Variants in MALRD1 observed in about 807,000 individuals in gnomAD.
The protein encoded by MALRD1 is MAM and LDL-receptor class A domain-containing protein 1.
A neutral mutation model predicts 242.1 loss-of-function variants in MALRD1; 247 were observed. The ratio of observed to expected loss-of-function variants is 1.02; its 90% confidence interval spans 0.92 to 1.13. The LOEUF (loss-of-function observed/expected upper bound fraction) is 1.13, where lower values mean the gene tolerates loss of function less well. Among genes scored for constraint, MALRD1 ranks in the 50% most tolerant of loss-of-function variants. MALRD1 has a pLI of 0.00. For missense variants in MALRD1, 2,989 were observed against 2,533.1 expected, an observed-to-expected ratio of 1.18 and a Z score of -3.86; for synonymous variants, 995 against 866.6, an observed-to-expected ratio of 1.15 and a Z score of -2.60.
chr10:19,572,128 G>A (rs1005598249), intron 33 of MALRD1, among the ~76,000 whole-genome samples: 5 of 152,026 alleles, frequency 3.3e-5, no homozygotes, highest in African/African-American at 9.7e-5. Context: ...TTTACCTTCC[G>A]CATTATTACT....
chr10:19,087,714 T>C, intron 2 of MALRD1, 126 bp from the exon 3 acceptor site: 1 of 433,800 alleles, frequency 2.3e-6, no homozygotes, highest in Non-Finnish European at 3.9e-6. Flanking sequence ...AATCACGCTC[T>C]TTTAGTTATT....
intron 38 of MALRD1, among the ~76,000 whole-genome samples, chr10:19,697,277 C>G (rs1398439125): frequency 4.6e-5 from 7 of 152,088 alleles, no homozygotes; most frequent in Non-Finnish European, 1.0e-4. Context: ...AGTCTTGAGT[C>G]TAAAATCTAC....
At chr10:19,315,137 T>A (rs1160930652) in intron 21 of MALRD1, among the ~76,000 whole-genome samples, 1 of 137,092 alleles carries the variant, frequency 7.3e-6, no homozygotes, top group Non-Finnish European at 1.6e-5. Context: ...TATAGAAATA[T>A]GTAAATATAA....
chr10:19,595,483 T>C, intron 34 of MALRD1, 26 bp downstream of exon 34: 1 of 1,537,132 alleles, frequency 6.5e-7, no homozygotes. Flanking sequence ...TAACTCAATG[T>C]GTAAGGGAAG....
intron 21 of MALRD1, among the ~76,000 whole-genome samples, chr10:19,305,870 TTATATAATA>T (rs1192753395): frequency 7.6e-6 from 1 of 131,862 alleles, no homozygotes; most frequent in African/African-American, 2.9e-5. Flanking sequence ...ATACTATATA[TTATATAATA>T]TATATAATAT....
chr10:19,363,060 T>C (rs1844958121), intron 26 of MALRD1, among the ~76,000 whole-genome samples: 1 of 152,122 alleles, frequency 6.6e-6, no homozygotes, highest in African/African-American at 2.4e-5. Flanking sequence ...ACATGCTCAG[T>C]TTAAATGTCC....
chr10:19,180,666 A>AT (rs1200502005), intron 14 of MALRD1, among the ~76,000 whole-genome samples: 1 of 152,200 alleles, frequency 6.6e-6, no homozygotes, highest in African/African-American at 2.4e-5. Context: ...GTTGGCAATG[A>AT]TTTTTTAATA....
At chr10:19,209,238 T>A in intron 17 of MALRD1, 30 bp from the exon 18 acceptor site, 1 of 1,473,368 alleles carries the variant, frequency 6.8e-7, no homozygotes, top group South Asian at 1.4e-5. Context: ...TCCCTAATTA[T>A]CTTTTGCTTT....
chr10:19,697,613 A>G (rs1833439056), intron 38 of MALRD1, among the ~76,000 whole-genome samples: 1 of 152,106 alleles, frequency 6.6e-6, no homozygotes, highest in Non-Finnish European at 1.5e-5. Context: ...AAATAATTCT[A>G]AATTTCACAG....
chr10:19,098,392 G>C (rs1281822772), intron 4 of MALRD1, among the ~76,000 whole-genome samples: 1 of 152,028 alleles, frequency 6.6e-6, no homozygotes, highest in African/African-American at 2.4e-5. Context: ...TATTTAGAAA[G>C]AATAGAATTT....
At chr10:19,194,097 A>G (rs2131591676) in intron 14 of MALRD1, among the ~76,000 whole-genome samples, 1 of 152,240 alleles carries the variant, frequency 6.6e-6, no homozygotes, top group East Asian at 1.9e-4. Context: ...CATAGTACTA[A>G]CAATCTTCTC....
At chr10:19,601,930 T>C (rs1838360684) in intron 34 of MALRD1, among the ~76,000 whole-genome samples, 1 of 151,960 alleles carries the variant, frequency 6.6e-6, no homozygotes, top group Non-Finnish European at 1.5e-5. Context: ...TGAAAAATAA[T>C]GATAAAAATA....
At position 19,580,423 on chromosome 10, in the gene MALRD1, A is replaced by G. The variant is rs73595848; in HGVS notation, c.5680+12720A>G. ...GTGCTGGAGGAAAGGAAGAACTCTG[A>G]TAATAGGGTTTTCACTTTTCCACCT... On this transcript the variant is annotated intron_variant, in intron 33 of 39. Transcript: ENST00000454679. Among the ~76,000 whole-genome samples the G allele has an allele frequency of 5.4e-3, 817 of 152,178 alleles. 8 individuals are homozygous for G. Among genetic ancestry groups the G allele is most frequent in the African/African-American group, 0.017 (726 of 41,510 alleles).
chr10:19,121,069 A>G (rs1588574494), intron 5 of MALRD1, among the ~76,000 whole-genome samples: 1 of 88,182 alleles, frequency 1.1e-5, no homozygotes, highest in Non-Finnish European at 2.1e-5. Context: ...TTTGAGTTGG[A>G]CTCTCACTCT....
intron 31 of MALRD1, among the ~76,000 whole-genome samples, chr10:19,501,562 A>G (rs910545058): frequency 6.6e-6 from 1 of 152,236 alleles, no homozygotes; most frequent in Non-Finnish European, 1.5e-5. Flanking sequence ...TAGTTTTTCT[A>G]AAGCAGACAA....
At chr10:19,463,611 A>T (rs1417541470) in intron 29 of MALRD1, among the ~76,000 whole-genome samples, 1 of 147,598 alleles carries the variant, frequency 6.8e-6, no homozygotes, top group South Asian at 2.1e-4. Flanking sequence ...TTCTTTATCT[A>T]CTCATTGACT....
chr10:19,595,837 A>T (rs1012797268), intron 34 of MALRD1, among the ~76,000 whole-genome samples: 1 of 152,162 alleles, frequency 6.6e-6, no homozygotes, highest in South Asian at 2.1e-4. Context: ...GGGCATATTG[A>T]TAGAGATTTC....
intron 26 of MALRD1, among the ~76,000 whole-genome samples, chr10:19,367,216 C>G (rs909318439): frequency 3.3e-5 from 5 of 151,994 alleles, no homozygotes; most frequent in African/African-American, 7.2e-5. Context: ...CTTACTCCTT[C>G]TCTCTAGCTG....
intron 18 of MALRD1, among the ~76,000 whole-genome samples, chr10:19,244,552 C>A (rs1204455535): frequency 1.3e-5 from 2 of 151,514 alleles, no homozygotes; most frequent in Non-Finnish European, 2.9e-5. Context: ...GCAACGAAGT[C>A]AGACCCTGTT....
Sources: gnomAD v4.1 joint callset for allele counts (sites outside exome capture counted in the v4.1 genomes callset) on GRCh38, gnomAD v4.1.1 for gene constraint, MANE v1.5 for transcripts, NCBI Gene and HGNC (gene_info 2026-07-23, HGNC 2026-07-21) for gene names.